Variants in RSRC1 observed in about 807,000 individuals in gnomAD.
RSRC1 encodes arginine and serine rich coiled-coil 1.
A neutral mutation model predicts 49.1 loss-of-function variants in RSRC1; 39 were observed. That is an observed-to-expected ratio of 0.79 (90% CI 0.61 to 1.04). The LOEUF is 1.04. Among genes scored for constraint, RSRC1 ranks in the 50% least tolerant of loss-of-function variants. The pLI is 0.00. For missense variants in RSRC1, 388 were observed against 402.4 expected (o/e 0.96, Z 0.31); for synonymous variants, 143 against 130.8 (o/e 1.09, Z -0.63).
intron 4 of RSRC1, among the ~76,000 whole-genome samples, chr3:158,255,581 G>GT (rs1724497591): frequency 6.6e-6 from 1 of 152,182 alleles, no homozygotes; most frequent in Admixed American, 6.5e-5. Flanking sequence ...CTTAAAGGTA[G>GT]TTTTTTCCAA....
chr3:158,418,866 G>A (rs1734888268), intron 6 of RSRC1, among the ~76,000 whole-genome samples: 1 of 151,926 alleles, frequency 6.6e-6, no homozygotes, highest in South Asian at 2.1e-4. Flanking sequence ...AAGTGACCGA[G>A]ATTAATCTGT....
chr3:158,445,464 T>C (rs1408730274), intron 6 of RSRC1, among the ~76,000 whole-genome samples: 1 of 151,908 alleles, frequency 6.6e-6, no homozygotes, highest in African/African-American at 2.4e-5. Flanking sequence ...TGAGAACACT[T>C]GTTCACAGGA....
intron 5 of RSRC1, among the ~76,000 whole-genome samples, chr3:158,353,705 A>G (rs950616453): frequency 1.3e-5 from 2 of 152,170 alleles, no homozygotes; most frequent in South Asian, 2.1e-4. Context: ...CTTTTATTCA[A>G]GCTGGGTTTC....
intron 7 of RSRC1, among the ~76,000 whole-genome samples, chr3:158,532,039 T>G (rs1427096319): frequency 6.6e-6 from 1 of 151,912 alleles, no homozygotes; most frequent in Non-Finnish European, 1.5e-5. Context: ...TTTAATGTTT[T>G]TATTGTTGAC....
chr3:158,114,301 G>A (rs942289238), intron 1 of RSRC1, among the ~76,000 whole-genome samples: 15 of 152,122 alleles, frequency 9.9e-5, no homozygotes, highest in African/African-American at 2.7e-4. Flanking sequence ...AAGAACAGAT[G>A]GTTGTAGATG....
At chr3:158,469,058 A>G (rs958346307) in intron 7 of RSRC1, among the ~76,000 whole-genome samples, 1 of 152,136 alleles carries the variant, frequency 6.6e-6, no homozygotes, top group African/African-American at 2.4e-5. Context: ...AGGAGAGAAT[A>G]TATCACACAA....
At chr3:158,365,417 T>C (rs191691991) in intron 6 of RSRC1, among the ~76,000 whole-genome samples, 9 of 152,168 alleles carry the variant, frequency 5.9e-5, no homozygotes, top group Middle Eastern at 3.4e-3. Context: ...TCTGTTCCTG[T>C]GTTAGTTTGC....
At chr3:158,290,825 C>T (rs1355755535) in intron 4 of RSRC1, among the ~76,000 whole-genome samples, 1 of 152,092 alleles carries the variant, frequency 6.6e-6, no homozygotes, top group Non-Finnish European at 1.5e-5. Context: ...GCTCTTATAT[C>T]CATAGAAAAC....
intron 4 of RSRC1, among the ~76,000 whole-genome samples, chr3:158,257,122 ATG>A (rs1038350759): frequency 6.6e-6 from 1 of 151,888 alleles, no homozygotes; most frequent in African/African-American, 2.4e-5. Flanking sequence ...TAGCTTTTGA[ATG>A]TGTTTGCTCT....
intron 3 of RSRC1, among the ~76,000 whole-genome samples, chr3:158,177,496 C>T (rs7629432): frequency 0.6 from 90,434 of 151,974 alleles, 27,189 homozygotes; most frequent in East Asian, 0.73. Context: ...TTTGCAGGGA[C>T]ATGGATGAAG....
At chr3:158,389,701 G>T (rs1183498908) in intron 6 of RSRC1, among the ~76,000 whole-genome samples, 2 of 152,056 alleles carry the variant, frequency 1.3e-5, no homozygotes, top group East Asian at 3.9e-4. Context: ...AGTTTTTTTT[G>T]TGTTTATGTA....
At chr3:158,512,396 C>A (rs112400394) in intron 7 of RSRC1, among the ~76,000 whole-genome samples, 1 of 136,870 alleles carries the variant, frequency 7.3e-6, no homozygotes, top group Non-Finnish European at 1.6e-5. Context: ...GCTTGTTTTT[C>A]TCAGGTTTGT....
intron 6 of RSRC1, among the ~76,000 whole-genome samples, chr3:158,457,494 A>G (rs1737392078): frequency 1.3e-5 from 2 of 152,080 alleles, no homozygotes; most frequent in South Asian, 4.1e-4. Flanking sequence ...AAGTAATTGG[A>G]AAAAAACAGT....
intron 4 of RSRC1, among the ~76,000 whole-genome samples, chr3:158,289,813 T>C (rs1726808708): frequency 6.6e-6 from 1 of 152,190 alleles, no homozygotes; most frequent in East Asian, 1.9e-4. Context: ...TTTGCTTGCT[T>C]TTCCCAACAC....
At chr3:158,313,012 T>C (rs1295682329) in intron 5 of RSRC1, among the ~76,000 whole-genome samples, 1 of 152,170 alleles carries the variant, frequency 6.6e-6, no homozygotes, top group Non-Finnish European at 1.5e-5. Context: ...AGTCATACTT[T>C]CCACATTATG....
At chr3:158,300,701 G>A (rs1194620059) in intron 5 of RSRC1, among the ~76,000 whole-genome samples, 1 of 152,094 alleles carries the variant, frequency 6.6e-6, no homozygotes, top group African/African-American at 2.4e-5. Context: ...AAAGCATCCT[G>A]TACATTTGGA....
chr3:158,112,914 C>T (rs1338157610), intron 1 of RSRC1, among the ~76,000 whole-genome samples: 1 of 152,078 alleles, frequency 6.6e-6, no homozygotes, highest in Non-Finnish European at 1.5e-5. Flanking sequence ...TCTCTTCCTG[C>T]GTTAGTTTGA....
chr3:158,138,075 A>G (rs1716517324), intron 3 of RSRC1, among the ~76,000 whole-genome samples: 1 of 152,162 alleles, frequency 6.6e-6, no homozygotes, highest in Non-Finnish European at 1.5e-5. Context: ...ACAATTAGGG[A>G]CCAGATTTCC....
At chr3:158,196,962 C>CT (rs1049722768) in intron 3 of RSRC1, among the ~76,000 whole-genome samples, 3 of 152,048 alleles carry the variant, frequency 2.0e-5, no homozygotes, top group African/African-American at 2.4e-5. Context: ...CTAAAATTCT[C>CT]TTTTTTTGTT....
Sources: allele counts gnomAD v4.1 joint callset (sites outside exome capture counted in the v4.1 genomes callset), GRCh38; gene constraint gnomAD v4.1.1; transcripts MANE v1.5; gene names NCBI Gene and HGNC (gene_info 2026-07-23, HGNC 2026-07-21).